EHD4: variants seen among roughly 807,000 people sequenced by gnomAD.
EHD4 encodes the protein EH domain-containing protein 4.
Under a neutral mutation model 51.0 loss-of-function variants are expected in EHD4, and 37 were observed. The ratio of observed to expected loss-of-function variants is 0.73; its 90% confidence interval spans 0.56 to 0.95. The LOEUF is 0.95. Among genes scored for constraint, EHD4 ranks in the 40% least tolerant of loss-of-function variants. The probability of loss-of-function intolerance (pLI) is 0.00; values close to 1 mark genes in which losing one functional copy is unlikely to be tolerated. For synonymous variants in EHD4, 297 were observed against 317.3 expected (o/e 0.94, Z 0.68); for missense variants, 632 against 733.1 (o/e 0.86, Z 1.59).
At chr15:41,967,283 C>T (rs558157840) in intron 1 of EHD4, among the ~76,000 whole-genome samples, 1 of 152,304 alleles carries the variant, frequency 6.6e-6, no homozygotes, top group Non-Finnish European at 1.5e-5. Context: ...CTTTTCCAAC[C>T]CGCAAGCCTG....
At chr15:41,946,315 C>A (rs1854440546) in intron 2 of EHD4, among the ~76,000 whole-genome samples, 1 of 152,138 alleles carries the variant, frequency 6.6e-6, no homozygotes, top group South Asian at 2.1e-4. Context: ...TAGGCTGCCC[C>A]CTCAACTCCA....
chr15:41,957,096 C>T (rs1032212434), intron 1 of EHD4, among the ~76,000 whole-genome samples: 2 of 152,022 alleles, frequency 1.3e-5, no homozygotes, highest in South Asian at 2.1e-4. Context: ...TTTGGGAGGC[C>T]GCAGTGGGAG....
intron 1 of EHD4, among the ~76,000 whole-genome samples, chr15:41,964,313 G>C (rs1468444961): frequency 6.6e-6 from 1 of 152,132 alleles, no homozygotes. Flanking sequence ...GTCTGTTCTG[G>C]CTGAGTGCCC....
At chr15:41,972,197 T>A in intron 1 of EHD4, 62 bp downstream of exon 1, 1 of 1,306,592 alleles carries the variant, frequency 7.7e-7, no homozygotes, top group South Asian at 2.7e-5. Context: ...GGCGGCCGAC[T>A]GCGGCGCACA....
chr15:41,933,914 C>A (rs1017902223), intron 3 of EHD4, among the ~76,000 whole-genome samples: 1 of 152,154 alleles, frequency 6.6e-6, no homozygotes, highest in Admixed American at 6.5e-5. Flanking sequence ...CCCTGTCAGA[C>A]GCCCATGAGG....
chr15:41,921,382 A>G (rs1165585756), intron 3 of EHD4: 20 of 152,136 alleles, frequency 1.3e-4, no homozygotes, highest in Admixed American at 1.3e-3. Context: ...AGACCTACTG[A>G]CAGGGTCACA....
At chr15:41,958,648 GC>G (rs2067903905) in intron 1 of EHD4, among the ~76,000 whole-genome samples, 3 of 152,098 alleles carry the variant, frequency 2.0e-5, no homozygotes, top group African/African-American at 7.2e-5. Context: ...TCAACGATGA[GC>G]TTAAGAATGA....
intron 4 of EHD4, among the ~76,000 whole-genome samples, chr15:41,917,996 G>T (rs181842410): frequency 6.0e-4 from 91 of 152,286 alleles, no homozygotes; most frequent in African/African-American, 2.1e-3. Context: ...AGCCAGGACG[G>T]TGTTTGTTTT....
At chr15:41,925,055 A>T (rs1016558459) in intron 3 of EHD4, among the ~76,000 whole-genome samples, 1 of 80,560 alleles carries the variant, frequency 1.2e-5, no homozygotes, top group African/African-American at 4.0e-5. Flanking sequence ...GAGGGACTGT[A>T]TCTCAAAAAA....
intron 3 of EHD4, among the ~76,000 whole-genome samples, chr15:41,934,429 C>T (rs545497486): frequency 3.2e-4 from 49 of 152,040 alleles, no homozygotes; most frequent in Admixed American, 2.7e-3. Context: ...GTTCTCTTGC[C>T]TCGGCCTCCC....
In EHD4 at chr15:41,953,837, C is replaced by T. The variant is rs150106003; in HGVS notation, c.340G>A (p.Gly114Arg). Residue 114 changes from glycine (G) to arginine (R), a missense_variant, in exon 2 of 6, where the codon GGG (glycine) becomes AGG (arginine). Gly to Arg is a moderately radical substitution (Grantham distance 125, BLOSUM62 -2). Coordinates refer to ENST00000220325, the MANE Select transcript of EHD4 (RefSeq NM_139265.4). ...MYGETEGSTP[G>R]NALVVDPKKP... ...TTGGGGTCCACGACTAAAGCATTCC[C>T]TGGGGTGCTGCCCTCAGTCTCTCCA... The T allele has an allele frequency of 3.1e-6, 5 of 1,613,956 alleles. No homozygotes were observed. Among genetic ancestry groups the T allele is most frequent in the Non-Finnish European group, 4.2e-6 (5 of 1,180,016 alleles).
intron 5 of EHD4, among the ~76,000 whole-genome samples, chr15:41,906,768 G>T (rs976833696): frequency 2.6e-5 from 4 of 152,236 alleles, no homozygotes; most frequent in South Asian, 2.1e-4. Flanking sequence ...TCCCCTTGGG[G>T]TGACACACCT....
chr15:41,915,019 T>G (rs2067574317), intron 4 of EHD4, among the ~76,000 whole-genome samples: 1 of 152,036 alleles, frequency 6.6e-6, no homozygotes, highest in Non-Finnish European at 1.5e-5. Context: ...CTTGCTGAAG[T>G]TACCCTCCAA....
chr15:41,910,012 G>T, intron 4 of EHD4, 149 bp from the exon 5 acceptor site: 1 of 1,007,218 alleles, frequency 9.9e-7, no homozygotes, highest in Non-Finnish European at 1.5e-6. Flanking sequence ...GGGTCCAGGG[G>T]GAGTGGAGCT....
chr15:41,930,251 G>A lies in EHD4; in HGVS notation c.512-10629C>T, dbSNP rs1426353108. ...AACAGATCCAGGAATCCCGTGTCAC[G>A]CACATGGAAATTGTCCATTCCTCAT... On this transcript the variant is annotated intron_variant, in intron 3 of 5. Transcript: ENST00000220325. Among the ~76,000 whole-genome samples, 6 of 152,134 alleles carry A rather than the reference G, an allele frequency of 3.9e-5. No individual in the cohort carries two copies. The South Asian group carries it at 8.3e-4, about 21-fold the overall frequency.
At chr15:41,933,728 A>G (rs2067713171) in intron 3 of EHD4, among the ~76,000 whole-genome samples, 2 of 152,270 alleles carry the variant, frequency 1.3e-5, no homozygotes, top group African/African-American at 4.8e-5. Flanking sequence ...GAATGTCCCC[A>G]TAAAACCAGG....
intron 2 of EHD4, among the ~76,000 whole-genome samples, chr15:41,947,701 T>C (rs1479346082): frequency 2.0e-5 from 3 of 152,252 alleles, no homozygotes; most frequent in African/African-American, 7.2e-5. Context: ...AACTAGGAAC[T>C]GAATTTCACA....
chr15:41,963,099 C>T (rs1255594730), intron 1 of EHD4, among the ~76,000 whole-genome samples: 3 of 152,158 alleles, frequency 2.0e-5, no homozygotes, highest in African/African-American at 7.2e-5. Flanking sequence ...AGGCAGCATA[C>T]TCCTTAAGAG....
intron 1 of EHD4, among the ~76,000 whole-genome samples, chr15:41,965,701 C>T (rs893973800): frequency 1.2e-4 from 19 of 152,192 alleles, no homozygotes; most frequent in African/African-American, 4.6e-4. Flanking sequence ...GAAGGAACCA[C>T]GGCCTTCTGG....
Sources: gnomAD v4.1 joint callset for allele counts (sites outside exome capture counted in the v4.1 genomes callset) on GRCh38, gnomAD v4.1.1 for gene constraint, MANE v1.5 for transcripts, NCBI Gene and HGNC (gene_info 2026-07-23, HGNC 2026-07-21) for gene names.